GET1: variants seen among roughly 807,000 people sequenced by gnomAD.
GET1 encodes guided entry of tail-anchored proteins factor 1, also known as congenital heart disease 5 protein.
Under a neutral mutation model 22.6 loss-of-function variants are expected in GET1, and 20 were observed. The observed-to-expected ratio is 0.89, with a 90% CI of 0.62 to 1.29. The LOEUF (loss-of-function observed/expected upper bound fraction) is 1.29, where lower values mean the gene tolerates loss of function less well. Among genes scored for constraint, GET1 ranks in the 50% most tolerant of loss-of-function variants. The probability of loss-of-function intolerance (pLI) is 0.00; values close to 1 mark genes in which losing one functional copy is unlikely to be tolerated. For missense variants in GET1, 209 were observed against 219.9 expected (o/e 0.95, Z 0.31); for synonymous variants, 92 against 83.8 (o/e 1.10, Z -0.53).
In GET1 at chr21:39,406,020, A is replaced by T; in HGVS notation, c.*36A>T. On this transcript the variant is annotated 3_prime_UTR_variant, in exon 5 of 5. Transcript: ENST00000415847. The stretch of plus-strand genomic sequence containing the variant: ...GGGGATGCGACTCCTTACTTTGCAA[A>T]GGCTCCTCTGAGCCTTTTGCAACAC... 4 of 1,614,214 alleles carry T rather than the reference A, an allele frequency of 2.5e-6. No individual in the cohort carries two copies. The South Asian group carries it at 4.4e-5, about 18-fold the overall frequency.
At chr21:39,406,679 G>A, downstream of GET1, 9 of 1,266,624 alleles carry the variant, frequency 7.1e-6, no homozygotes, top group Non-Finnish European at 8.8e-6. Flanking sequence ...AAGATGGCAT[G>A]TCTAGTACAC....
chr21:39,397,098 A>G lies in GET1; in HGVS notation c.*159A>G. 1 of 736,080 alleles carries G rather than the reference A, an allele frequency of 1.4e-6. No individual in the cohort carries two copies. The allele number at this position is 736,080 out of a possible 1,614,324, so 45.6% of individuals were successfully genotyped here. Reference sequence around the variant, plus strand: ...TTCTTGGACTTTATGAGAGAGTCTTATAAGAATCACGATTTTCTACACCTG... The same window carrying G: ...TTCTTGGACTTTATGAGAGAGTCTTGTAAGAATCACGATTTTCTACACCTG... On this transcript the variant is annotated 3_prime_UTR_variant, in exon 5 of 5. Coordinates refer to ENST00000649170, the MANE Select transcript of GET1 (RefSeq NM_004627.6).
intron 1 of GET1, chr21:39,428,005 C>G: frequency 1.8e-6 from 1 of 541,192 alleles, no homozygotes; most frequent in Non-Finnish European, 3.3e-6. Flanking sequence ...TATAATTACT[C>G]TTAATTTCTC....
chr21:39,387,385 A>C (rs912923671), intron 1 of GET1, among the ~76,000 whole-genome samples: 2 of 152,142 alleles, frequency 1.3e-5, no homozygotes, highest in African/African-American at 4.8e-5. Context: ...ATTGAAGTGT[A>C]ATTTGTATAA....
At chr21:39,382,697 A>G (rs981719934) in intron 1 of GET1, among the ~76,000 whole-genome samples, 8 of 152,166 alleles carry the variant, frequency 5.3e-5, no homozygotes, top group African/African-American at 1.7e-4. Flanking sequence ...CCTTTTGACT[A>G]TTGTAGATAA....
downstream of GET1, among the ~76,000 whole-genome samples, chr21:39,400,133 T>A (rs993382523): frequency 6.6e-6 from 1 of 152,164 alleles, no homozygotes; most frequent in Non-Finnish European, 1.5e-5. Flanking sequence ...CCTTCCATAG[T>A]TTTTCTTACA....
At chr21:39,380,581 T>C (rs1222404733) in intron 1 of GET1, 95 bp downstream of exon 1, 9 of 1,530,424 alleles carry the variant, frequency 5.9e-6, no homozygotes, top group Admixed American at 2.0e-5. Flanking sequence ...ACTGGGCGAC[T>C]GAAGGCCGTA....
At chr21:39,423,529 A>G in intron 1 of GET1, 1 of 1,496,952 alleles carries the variant, frequency 6.7e-7, no homozygotes, top group South Asian at 1.3e-5. Context: ...CTAGTAAAAT[A>G]TACAGATATG....
chr21:39,391,440 C>T, intron 2 of GET1: 1 of 330,876 alleles, frequency 3.0e-6, no homozygotes, highest in Non-Finnish European at 5.7e-6. Context: ...GTGTACTGTG[C>T]ACACTGGGAA....
chr21:39,397,011 T>C lies in GET1; in HGVS notation c.*72T>C, dbSNP rs368032411. Reference sequence around the variant, plus strand: ...TCCTAGCTTAAAATCTGATTTACACTGTTTTGTTTTTTAAGAAACAAAAGT... The same window carrying C: ...TCCTAGCTTAAAATCTGATTTACACCGTTTTGTTTTTTAAGAAACAAAAGT... On this transcript the variant is annotated 3_prime_UTR_variant, in exon 5 of 5. Transcript: ENST00000649170. 68 of 1,532,542 alleles carry C rather than the reference T, an allele frequency of 4.4e-5. No individual in the cohort carries two copies. In the African/African-American group the frequency reaches 4.6e-4, roughly 10 times the overall value. The allele number at this position is 1,532,542 out of a possible 1,614,324, so 94.9% of individuals were successfully genotyped here.
chr21:39,406,301 T>G, exon 5 of GET1: 1 of 1,614,220 alleles, frequency 6.2e-7, no homozygotes, highest in South Asian at 1.1e-5. Context: ...TGATGCAGGT[T>G]TTCAGTTGCT....
At chr21:39,420,087 G>A (rs1376043418) in intron 1 of GET1, among the ~76,000 whole-genome samples, 1 of 152,134 alleles carries the variant, frequency 6.6e-6, no homozygotes, top group Non-Finnish European at 1.5e-5. Flanking sequence ...ATGCTAACAA[G>A]AAGCCTTGTT....
chr21:39,422,587 C>T (rs2073951138), intron 1 of GET1: 1 of 277,458 alleles, frequency 3.6e-6, no homozygotes, highest in Non-Finnish European at 6.7e-6. Context: ...GGGAAGTAGC[C>T]TTTTAATCAA....
chr21:39,427,268 G>A (rs2147881865), intron 1 of GET1, among the ~76,000 whole-genome samples: 1 of 152,314 alleles, frequency 6.6e-6, no homozygotes, highest in African/African-American at 2.4e-5. Flanking sequence ...TGGGAGGAAG[G>A]AATTACAGTC....
Position 39,390,724 on chromosome 21 carries a change from G to C in GET1, c.129G>C (p.Ala43=). ...TGTCCAGGGTGCTGCAGAAGGACGC[G>C]GAGCAGGAGTCACAGATGAGAGCGG... ...SFMSRVLQKD[A]EQESQMRAEI... Residue 43 remains alanine, a synonymous_variant, in exon 2 of 5, where the codon GCG becomes GCC. Coordinates refer to ENST00000649170, the MANE Select transcript of GET1 (RefSeq NM_004627.6). The C allele has an allele frequency of 1.2e-6, 2 of 1,614,120 alleles. No homozygotes were observed. The highest frequency in any genetic ancestry group is 1.7e-6 in the Non-Finnish European group (2 of 1,180,024).
chr21:39,380,398 C>G lies in GET1; in HGVS notation c.14C>G (p.Ala5Gly). Reference protein sequence around the residue: MSSAAADHWAWLLVL... With the variant: MSSAGADHWAWLLVL... ...GGAGCGTCCGGGATGAGCTCAGCCG[C>G]GGCCGACCACTGGGCGTGGTTGCTG... Residue 5 changes from alanine (A) to glycine (G), a missense_variant, in exon 1 of 5, where the codon GCG becomes GGG. By Grantham distance (60) the Ala-to-Gly change is moderately conservative. Coordinates refer to ENST00000649170, the MANE Select transcript of GET1 (RefSeq NM_004627.6). The G allele has an allele frequency of 6.2e-7, 1 of 1,608,680 alleles. No homozygotes were observed. The highest frequency in any genetic ancestry group is 8.5e-7 in the Non-Finnish European group (1 of 1,177,242).
At chr21:39,392,898 T>A (rs1407309051) in intron 3 of GET1, 1 of 395,772 alleles carries the variant, frequency 2.5e-6, no homozygotes, top group Non-Finnish European at 4.6e-6. Context: ...AAATGCCAGT[T>A]CACATAGGAA....
chr21:39,385,689 C>G (rs1475451011), intron 1 of GET1, among the ~76,000 whole-genome samples: 2 of 151,416 alleles, frequency 1.3e-5, no homozygotes, highest in Non-Finnish European at 2.9e-5. Flanking sequence ...AACGGCACTA[C>G]TACGCAGGCG....
chr21:39,404,531 G>C (rs889383075), intron 4 of GET1, among the ~76,000 whole-genome samples: 1 of 152,086 alleles, frequency 6.6e-6, no homozygotes, highest in Non-Finnish European at 1.5e-5. Flanking sequence ...GATCACCTGA[G>C]GTCAGGAGTT....
Sources: allele counts gnomAD v4.1 joint callset (sites outside exome capture counted in the v4.1 genomes callset), GRCh38; gene constraint gnomAD v4.1.1; transcripts MANE v1.5; gene names NCBI Gene and HGNC (gene_info 2026-07-23, HGNC 2026-07-21).